Variants in ELMO1 observed in about 807,000 individuals in gnomAD.
ELMO1 encodes the protein engulfment and cell motility 1.
A neutral mutation model predicts 98.9 loss-of-function variants in ELMO1; 26 were observed. The ratio of observed to expected loss-of-function variants is 0.26; its 90% CI spans 0.19 to 0.36. The LOEUF (loss-of-function observed/expected upper bound fraction) is 0.36, where lower values mean the gene tolerates loss of function less well. ELMO1 is among the 10% of genes least tolerant of loss of function. The pLI is 1.00. For missense variants in ELMO1, 627 were observed against 935.2 expected, an observed-to-expected ratio of 0.67 and a Z score of 4.30; for synonymous variants, 346 against 346.0, an observed-to-expected ratio of 1.00 and a Z score of 0.00.
At chr7:37,412,464 A>G (rs1463465941) in intron 1 of ELMO1, among the ~76,000 whole-genome samples, 4 of 152,230 alleles carry the variant, frequency 2.6e-5, no homozygotes, top group Non-Finnish European at 5.9e-5. Flanking sequence ...TTAACAGATG[A>G]AGACATCATA....
At chr7:37,120,292 G>A (rs1785916318) in intron 14 of ELMO1, among the ~76,000 whole-genome samples, 2 of 152,246 alleles carry the variant, frequency 1.3e-5, no homozygotes, top group Non-Finnish European at 2.9e-5. Context: ...GACAGTGGGT[G>A]CAGCGCACCA....
intron 4 of ELMO1, among the ~76,000 whole-genome samples, chr7:37,298,748 A>C (rs201178291): frequency 2.5e-5 from 1 of 40,508 alleles, no homozygotes; most frequent in East Asian, 5.9e-4. Context: ...ATTGTGAATA[A>C]TGCCGCAATA....
At chr7:37,415,428 A>G (rs10253164) in intron 1 of ELMO1, among the ~76,000 whole-genome samples, 25,483 of 152,212 alleles carry the variant, frequency 0.17, 2,315 homozygotes, top group South Asian at 0.26. Flanking sequence ...CCAGAGTCAG[A>G]GACTACGTGA....
At chr7:36,868,941 C>T (rs1030093846) in intron 20 of ELMO1, among the ~76,000 whole-genome samples, 7 of 152,128 alleles carry the variant, frequency 4.6e-5, no homozygotes, top group African/African-American at 1.4e-4. Flanking sequence ...CCGTGCTCTC[C>T]GAGATTGTGG....
At position 37,111,648 on chromosome 7, in the gene ELMO1, T is replaced by C. The variant is rs4720235; in HGVS notation, c.1192-14921A>G. 7.2e-3 allele frequency among the ~76,000 whole-genome samples: 1,098 copies of C among 152,360 alleles called. 48 individuals are homozygous for C. In the East Asian group the frequency reaches 0.12, roughly 16 times the overall value. The stretch of plus-strand genomic sequence containing the variant: ...TAGCAATGGGCAATTTACTTGACCT[T>C]TCTGAGCCTCAGCGCTCTCATCTGC... On this transcript the variant is annotated intron_variant, in intron 14 of 21. Transcript: ENST00000310758.
intron 14 of ELMO1, among the ~76,000 whole-genome samples, chr7:37,117,638 G>A (rs1176974937): frequency 2.6e-5 from 4 of 152,086 alleles, no homozygotes; most frequent in African/African-American, 9.7e-5. Flanking sequence ...TAACAGCTTG[G>A]TTATTCACAA....
At chr7:36,875,816 C>CT (rs1803914824) in intron 19 of ELMO1, among the ~76,000 whole-genome samples, 1 of 152,168 alleles carries the variant, frequency 6.6e-6, no homozygotes, top group Admixed American at 6.5e-5. Flanking sequence ...GGCTTTGTTG[C>CT]TGTGGCTGCC....
At chr7:37,298,439 G>A (rs1798170912) in intron 4 of ELMO1, among the ~76,000 whole-genome samples, 1 of 120,744 alleles carries the variant, frequency 8.3e-6, no homozygotes, top group Non-Finnish European at 1.7e-5. Flanking sequence ...ATCTCCCAAT[G>A]CTATCCCTCC....
At chr7:37,310,405 A>G (rs1798830808) in intron 4 of ELMO1, among the ~76,000 whole-genome samples, 1 of 151,956 alleles carries the variant, frequency 6.6e-6, no homozygotes, top group Non-Finnish European at 1.5e-5. Flanking sequence ...ATTAGGGATG[A>G]CAAGGCAATT....
At chr7:37,276,771 T>A (rs998689861) in intron 4 of ELMO1, among the ~76,000 whole-genome samples, 1 of 152,162 alleles carries the variant, frequency 6.6e-6, no homozygotes, top group African/African-American at 2.4e-5. Context: ...TATTAGCAAA[T>A]GCATACCTCT....
chr7:36,887,472 C>A, intron 18 of ELMO1, 88 bp downstream of exon 18: 1 of 1,274,698 alleles, frequency 7.8e-7, no homozygotes, highest in Non-Finnish European at 1.1e-6. Flanking sequence ...ATGGCCTACC[C>A]GTAAACCAAC....
intron 15 of ELMO1, among the ~76,000 whole-genome samples, chr7:37,026,232 G>A (rs1048253158): frequency 6.6e-6 from 1 of 152,116 alleles, no homozygotes; most frequent in African/African-American, 2.4e-5. Context: ...GCAGATTAAT[G>A]AGCAGCTGGG....
chr7:36,939,685 C>A (rs910634549), intron 16 of ELMO1, among the ~76,000 whole-genome samples: 1 of 152,242 alleles, frequency 6.6e-6, no homozygotes, highest in Admixed American at 6.5e-5. Context: ...TGCAGATCAA[C>A]CCTTTCCCTG....
At chr7:37,127,415 A>G (rs1288038901) in intron 14 of ELMO1, among the ~76,000 whole-genome samples, 28 of 152,106 alleles carry the variant, frequency 1.8e-4, no homozygotes, top group Admixed American at 1.8e-3. Flanking sequence ...ATCATACTCC[A>G]AGCCCAGAGA....
intron 15 of ELMO1, among the ~76,000 whole-genome samples, chr7:37,067,101 A>C (rs952107554): frequency 3.3e-5 from 5 of 152,238 alleles, no homozygotes; most frequent in African/African-American, 9.6e-5. Flanking sequence ...AGAAGATCTC[A>C]TAAAAATCAG....
chr7:36,924,693 G>A (rs1024939327), intron 16 of ELMO1, among the ~76,000 whole-genome samples: 3 of 152,108 alleles, frequency 2.0e-5, no homozygotes, highest in Non-Finnish European at 4.4e-5. Context: ...TAGGGGGGAG[G>A]AAGAGTGTAG....
chr7:37,268,574 A>G (rs1240064349), intron 5 of ELMO1, among the ~76,000 whole-genome samples: 1 of 152,200 alleles, frequency 6.6e-6, no homozygotes, highest in Non-Finnish European at 1.5e-5. Context: ...TGCTGGGTTT[A>G]CAGGTGTGAG....
At chr7:37,438,662 A>G (rs1032591213) in intron 1 of ELMO1, among the ~76,000 whole-genome samples, 4 of 151,956 alleles carry the variant, frequency 2.6e-5, no homozygotes, top group African/African-American at 9.7e-5. Flanking sequence ...ATCCAACCCA[A>G]CGCTTTTAGG....
At chr7:37,141,072 A>C (rs1026264308) in intron 13 of ELMO1, among the ~76,000 whole-genome samples, 1 of 152,222 alleles carries the variant, frequency 6.6e-6, no homozygotes, top group African/African-American at 2.4e-5. Context: ...TGAAAAAGAT[A>C]CTTGCAAACA....
Sources: gnomAD v4.1 joint callset for allele counts (sites outside exome capture counted in the v4.1 genomes callset) on GRCh38, gnomAD v4.1.1 for gene constraint, MANE v1.5 for transcripts, NCBI Gene and HGNC (gene_info 2026-07-23, HGNC 2026-07-21) for gene names.